NBAS: variants seen among roughly 807,000 people sequenced by gnomAD.
NBAS encodes the protein NAG/BC035112 fusion.
A neutral mutation model predicts 302.5 loss-of-function variants in NBAS; 219 were observed. That is an observed-to-expected ratio of 0.72 (90% CI 0.65 to 0.81). The LOEUF is 0.81. NBAS is among the 30% of genes least tolerant of loss of function. The pLI is 0.00. For missense variants in NBAS, 2,932 were observed against 2,841.6 expected, an observed-to-expected ratio of 1.03 and a Z score of -0.72; for synonymous variants, 1,118 against 1,021.6, an observed-to-expected ratio of 1.09 and a Z score of -1.80.
chr2:15,159,786 T>TATAC, the NBAS span, among the ~76,000 whole-genome samples: 242 of 144,884 alleles, frequency 1.7e-3, 1 homozygote, highest in South Asian at 1.8e-3. Flanking sequence ...TTACCAGTCA[T>TATAC]ACACACACAC....
intron 25 of NBAS, among the ~76,000 whole-genome samples, chr2:15,408,588 C>T (rs1443725667): frequency 1.3e-5 from 2 of 152,070 alleles, no homozygotes; most frequent in African/African-American, 4.8e-5. Flanking sequence ...TCTCTGTTTT[C>T]ACTTATCTTT....
chr2:14,962,606 C>T, the NBAS span, among the ~76,000 whole-genome samples: 1 of 152,222 alleles, frequency 6.6e-6, no homozygotes, highest in Non-Finnish European at 1.5e-5. Flanking sequence ...AGCTTATCTC[C>T]CATCCCTTTC....
chr2:14,880,334 G>A, the NBAS span, among the ~76,000 whole-genome samples: 21 of 151,176 alleles, frequency 1.4e-4, no homozygotes, highest in East Asian at 4.0e-3. Flanking sequence ...AATTAAAAAT[G>A]AGTACTAAAA....
chr2:15,484,202 G>C (rs1680536047), intron 12 of NBAS, among the ~76,000 whole-genome samples: 1 of 152,088 alleles, frequency 6.6e-6, no homozygotes. Flanking sequence ...GACTCCAGGG[G>C]ATGTTATTCA....
the NBAS span, among the ~76,000 whole-genome samples, chr2:15,096,943 A>C: frequency 2.0e-5 from 3 of 152,220 alleles, no homozygotes; most frequent in African/African-American, 4.8e-5. Context: ...CTGAAGCAAG[A>C]ATGTGGATGT....
chr2:14,967,329 T>G, the NBAS span, among the ~76,000 whole-genome samples: 1 of 152,134 alleles, frequency 6.6e-6, no homozygotes, highest in Non-Finnish European at 1.5e-5. Context: ...GGATCTAGAA[T>G]AGACTAAACA....
At chr2:15,209,202 A>T (rs982159513) in intron 48 of NBAS, among the ~76,000 whole-genome samples, 15 of 152,166 alleles carry the variant, frequency 9.9e-5, no homozygotes, top group African/African-American at 3.6e-4. Flanking sequence ...ATCTAGAGGA[A>T]ATGGATAAAT....
chr2:15,187,018 GTAGAA>G, intron 49 of NBAS, 138 bp from the exon 50 acceptor site: 1 of 1,275,502 alleles, frequency 7.8e-7, no homozygotes, highest in Non-Finnish European at 1.1e-6. Context: ...AGTCAACCTT[GTAGAA>G]AAGATAACAC....
the NBAS span, among the ~76,000 whole-genome samples, chr2:14,838,247 T>A: frequency 2.6e-5 from 4 of 152,090 alleles, no homozygotes; most frequent in East Asian, 5.8e-4. Context: ...ATGCTCTTTT[T>A]TATTTTCCAT....
At chr2:14,908,423 A>G in the NBAS span, among the ~76,000 whole-genome samples, 83 of 152,322 alleles carry the variant, frequency 5.4e-4, no homozygotes, top group African/African-American at 2.0e-3. Flanking sequence ...AAGTACAGAA[A>G]AGCATCCGAG....
At chr2:14,836,118 G>A in the NBAS span, among the ~76,000 whole-genome samples, 1 of 151,836 alleles carries the variant, frequency 6.6e-6, no homozygotes, top group Non-Finnish European at 1.5e-5. Flanking sequence ...GCAATATCTT[G>A]TCCATTTATT....
At chr2:14,804,470 C>T in the NBAS span, among the ~76,000 whole-genome samples, 4 of 152,094 alleles carry the variant, frequency 2.6e-5, no homozygotes, top group Non-Finnish European at 4.4e-5. Flanking sequence ...ATCAACAATA[C>T]GTGCCATATA....
At chr2:15,140,850 T>C in the NBAS span, among the ~76,000 whole-genome samples, 108 of 152,300 alleles carry the variant, frequency 7.1e-4, 1 homozygote, top group South Asian at 0.021. Context: ...TTTTGAGCAT[T>C]AAATGGTATA....
At chr2:15,507,103 C>A (rs1405376648) in intron 10 of NBAS, among the ~76,000 whole-genome samples, 1 of 152,062 alleles carries the variant, frequency 6.6e-6, no homozygotes, top group Non-Finnish European at 1.5e-5. Context: ...TAAAAGCATG[C>A]TACATGCTGA....
chr2:15,168,700 G>C (rs1290299450), intron 51 of NBAS, among the ~76,000 whole-genome samples: 1 of 152,212 alleles, frequency 6.6e-6, no homozygotes, highest in Non-Finnish European at 1.5e-5. Context: ...TGCAATCTCG[G>C]CTCACTGCAA....
the NBAS span, among the ~76,000 whole-genome samples, chr2:15,001,378 G>A: frequency 6.6e-6 from 1 of 151,998 alleles, no homozygotes; most frequent in African/African-American, 2.4e-5. Context: ...ACATTTGCTT[G>A]CTATTCCAAA....
chr2:15,353,639 G>C lies in NBAS; in HGVS notation c.4003C>G (p.Gln1335Glu). The C allele has an allele frequency of 6.2e-7, 1 of 1,614,062 alleles. No homozygotes were observed. ...GTCAAAGCAAAAGCCATGAGCTCTT[G>C]ACGAGTGGCCAAGTCCTGGTAACCT... The part of the protein sequence containing the change: ...SEGYQDLATR[Q>E]ELMAFALTHC... The change falls in exon 34 of 52, where the codon CAA becomes GAA. Residue 1335 changes from glutamine to glutamate, a missense_variant. By Grantham distance (29) the Gln-to-Glu change is conservative. Transcript: ENST00000281513.
At chr2:14,872,223 T>A in the NBAS span, among the ~76,000 whole-genome samples, 2,821 of 152,210 alleles carry the variant, frequency 0.019, 87 homozygotes, top group African/African-American at 0.064. Flanking sequence ...ACAATAGAAC[T>A]TTAAAAGACA....
In NBAS at chr2:15,356,326, T is replaced by C; in HGVS notation, c.3908A>G (p.His1303Arg). 1.2e-6 allele frequency: 2 copies of C among 1,613,676 alleles called. No homozygotes were observed. The highest frequency in any genetic ancestry group is 1.7e-6 in the Non-Finnish European group (2 of 1,179,650). The part of the protein sequence containing the change: ...RFHDYKAASM[H>R]CQELMATGYP... ...ACCTGTGGCCATCAGCTCCTGACAA[T>C]GCATACTGGCTGCTTTGTAGTCATG... Residue 1303 changes from histidine to arginine, a missense_variant, in exon 33 of 52, where the codon CAT (histidine) becomes CGT (arginine). Coordinates refer to ENST00000281513, the MANE Select transcript of NBAS (RefSeq NM_015909.4).
Sources: gnomAD v4.1 joint callset for allele counts (sites outside exome capture counted in the v4.1 genomes callset) on GRCh38, gnomAD v4.1.1 for gene constraint, MANE v1.5 for transcripts, NCBI Gene and HGNC (gene_info 2026-07-23, HGNC 2026-07-21) for gene names.